Variants in EVC observed in about 807,000 individuals in gnomAD.
The protein encoded by EVC is evC complex member EVC.
In EVC, 116 loss-of-function variants were observed where a neutral mutation model predicts 118.9. The ratio of observed to expected loss-of-function variants is 0.98; its 90% CI spans 0.84 to 1.14. EVC has a LOEUF of 1.14. EVC is among the 50% of genes most tolerant of loss of function. The pLI is 0.00. For synonymous variants in EVC, 619 were observed against 534.7 expected (o/e 1.16, Z -2.18); for missense variants, 1,401 against 1,246.4 (o/e 1.12, Z -1.87).
intron 16 of EVC, 43 bp from the exon 17 acceptor site, chr4:5,804,687 C>T (rs757271531): frequency 1.3e-6 from 2 of 1,576,170 alleles, no homozygotes; most frequent in African/African-American, 1.3e-5. Context: ...CACAGTGGAT[C>T]CTCCAAACAG....
chr4:5,751,387 A>C (rs2035305), intron 8 of EVC, among the ~76,000 whole-genome samples: 15,541 of 152,232 alleles, frequency 0.1, 910 homozygotes, highest in African/African-American at 0.14. Context: ...CCACTGCCGA[A>C]TCCAGCCAGC....
At chr4:5,723,677 C>T (rs181816754) in intron 2 of EVC, among the ~76,000 whole-genome samples, 1 of 152,118 alleles carries the variant, frequency 6.6e-6, no homozygotes, top group African/African-American at 2.4e-5. Flanking sequence ...GCAAATGTGT[C>T]TCCCCTGGAC....
In EVC at chr4:5,746,079, T is replaced by C. The variant is rs965237320; in HGVS notation, c.939+738T>C. On this transcript the variant is annotated intron_variant, in intron 7 of 20. Coordinates refer to ENST00000264956, the MANE Select transcript of EVC (RefSeq NM_153717.3). This position sits in a 1 kb window ranked among gnomAD's most constrained non-coding sequence, Gnocchi z 5.8. ...GTGCTGGCCAGTGGTGGGGCAGAGA[T>C]GGGAGCTAAAGAGGGCTGAGAGCAA... Among the ~76,000 whole-genome samples, 3 of 151,994 alleles carry C rather than the reference T, an allele frequency of 2.0e-5. No individual in the cohort carries two copies. The highest frequency in any genetic ancestry group is 4.4e-5 in the Non-Finnish European group (3 of 67,964).
chr4:5,748,402 T>C (rs1400505401), intron 8 of EVC, 96 bp downstream of exon 8: 2 of 1,383,164 alleles, frequency 1.4e-6, no homozygotes, highest in African/African-American at 2.9e-5. Flanking sequence ...AGATTCATGT[T>C]GTAGCTGGTT....
chr4:5,768,553 C>A (rs144833478), intron 11 of EVC, among the ~76,000 whole-genome samples: 4 of 152,224 alleles, frequency 2.6e-5, no homozygotes, highest in Non-Finnish European at 5.9e-5. Flanking sequence ...TGGGCACACA[C>A]TGATACTCAA....
intron 19 of EVC, 21 bp downstream of exon 19, chr4:5,809,632 T>G (rs747727141): frequency 9.0e-5 from 145 of 1,608,950 alleles, no homozygotes; most frequent in Non-Finnish European, 1.2e-4. Context: ...GATGCTTGAG[T>G]TGCAGCGGGA....
At chr4:5,735,661 G>T (rs1337282380) in intron 5 of EVC, among the ~76,000 whole-genome samples, 1 of 152,166 alleles carries the variant, frequency 6.6e-6, no homozygotes, top group African/African-American at 2.4e-5. Flanking sequence ...CACTAACGAG[G>T]AACCTGAGGT....
intron 11 of EVC, among the ~76,000 whole-genome samples, chr4:5,757,336 T>G (rs1197888698): frequency 6.6e-6 from 1 of 152,114 alleles, no homozygotes; most frequent in African/African-American, 2.4e-5. Context: ...CAGGCCCAAG[T>G]GGACAAGGAG....
chr4:5,808,469 G>A (rs1716371220), intron 18 of EVC, 142 bp downstream of exon 18: 3 of 1,367,860 alleles, frequency 2.2e-6, no homozygotes, highest in East Asian at 2.5e-5. Context: ...AGTCTCACCT[G>A]CTGAGGGTGT....
chr4:5,781,337 G>T (rs1362512374), intron 11 of EVC, among the ~76,000 whole-genome samples: 2 of 152,134 alleles, frequency 1.3e-5, no homozygotes, highest in African/African-American at 4.8e-5. Flanking sequence ...TCAGGGAGCT[G>T]TGGTCTAGGG....
chr4:5,711,835 A>G (rs753042933), intron 1 of EVC, among the ~76,000 whole-genome samples: 1 of 152,222 alleles, frequency 6.6e-6, no homozygotes, highest in Non-Finnish European at 1.5e-5. Flanking sequence ...CCTCATCTGC[A>G]GCACCAAGGG....
intron 5 of EVC, among the ~76,000 whole-genome samples, chr4:5,736,363 G>A (rs796137453): frequency 6.6e-6 from 1 of 152,188 alleles, no homozygotes; most frequent in Non-Finnish European, 1.5e-5. Flanking sequence ...GTAGACAGCA[G>A]TATTCAACCA....
chr4:5,825,366 G>A, the EVC span: 34 of 1,443,280 alleles, frequency 2.4e-5, no homozygotes, highest in Admixed American at 3.1e-5. The surrounding 1 kb of genome is among the most constrained non-coding windows in gnomAD (Gnocchi z 4.4). Context: ...GCTCGGGTGG[G>A]GCACACTCCC....
chr4:5,734,845 G>A (rs1325936100), intron 5 of EVC, among the ~76,000 whole-genome samples: 1 of 152,122 alleles, frequency 6.6e-6, no homozygotes, highest in Non-Finnish European at 1.5e-5. Flanking sequence ...CCTGGATGGG[G>A]GCCACCAGGC....
intron 1 of EVC, among the ~76,000 whole-genome samples, chr4:5,715,453 T>C (rs1723780418): frequency 6.6e-6 from 1 of 152,192 alleles, no homozygotes; most frequent in East Asian, 1.9e-4. Flanking sequence ...GTGATTTACA[T>C]GTTCTTAAAG....
At chr4:5,816,473 A>G (rs911128052), downstream of EVC, among the ~76,000 whole-genome samples, 2 of 152,128 alleles carry the variant, frequency 1.3e-5, no homozygotes, top group African/African-American at 4.8e-5. Context: ...CCTCCAGAGG[A>G]CAGCCTGGGC....
downstream of EVC, chr4:5,814,312 T>G (rs1477848535): frequency 6.6e-6 from 1 of 152,274 alleles, no homozygotes; most frequent in Non-Finnish European, 1.5e-5. Context: ...AATAGCACCC[T>G]CTGACCTGTA....
At chr4:5,729,157 A>G in intron 2 of EVC, 150 bp from the exon 3 acceptor site, 1 of 737,042 alleles carries the variant, frequency 1.4e-6, no homozygotes, top group South Asian at 1.5e-5. Context: ...CCTTCTGGCA[A>G]GGAAGAGCTA....
rs1457457598 is a variant in EVC at position 5,789,083 on chromosome 4, A to G, written c.1777-4525A>G. 1.3e-5 allele frequency among the ~76,000 whole-genome samples: 2 copies of G among 152,184 alleles called. No individual in the cohort carries two copies. The highest frequency in any genetic ancestry group is 4.8e-5 in the African/African-American group (2 of 41,454). ...ATCCCTGAAATCAAGATACACTTTA[A>G]TTGGCAGTGACTTTTCTCTGTTAGT... is the stretch of plus-strand genomic sequence containing the variant. On this transcript the variant is annotated intron_variant, in intron 12 of 20. Coordinates refer to ENST00000264956, the MANE Select transcript of EVC (RefSeq NM_153717.3). This position sits in a 1 kb window ranked among gnomAD's most constrained non-coding sequence, Gnocchi z 4.3.
Sources: gnomAD v4.1 joint callset for allele counts (sites outside exome capture counted in the v4.1 genomes callset) on GRCh38, gnomAD v4.1.1 for gene constraint, Gnocchi (gnomAD v3.1) non-coding constraint, MANE v1.5 for transcripts, NCBI Gene and HGNC (gene_info 2026-07-23, HGNC 2026-07-21) for gene names.